Variants in SNTG1 observed in about 807,000 individuals in gnomAD.
The protein encoded by SNTG1 is syntrophin gamma 1.
In SNTG1, 39 loss-of-function variants were observed where a neutral mutation model predicts 74.7. The observed-to-expected ratio is 0.52, with a 90% CI of 0.40 to 0.68. SNTG1 has a LOEUF of 0.68. Among genes scored for constraint, SNTG1 ranks in the 30% least tolerant of loss-of-function variants. SNTG1 has a pLI of 0.00. For missense variants in SNTG1, 685 were observed against 609.5 expected (o/e 1.12, Z -1.30); for synonymous variants, 254 against 217.1 (o/e 1.17, Z -1.49).
At chr8:50,271,214 C>T (rs539729318) in intron 2 of SNTG1, among the ~76,000 whole-genome samples, 4 of 152,204 alleles carry the variant, frequency 2.6e-5, no homozygotes, top group South Asian at 4.1e-4. Context: ...GTATATCATC[C>T]CTAACCCTTT....
rs377120485 is a variant in SNTG1 at position 50,129,876 on chromosome 8, A to G, written c.-102-42685A>G. ...TAGTCTCCAACCCCTGATCTCAAGC[A>G]ATCCTCTTGCCTCCACCTCCCAAAG... On this transcript the variant is annotated intron_variant, in intron 1 of 18. Transcript: ENST00000642720. 1.6e-4 allele frequency among the ~76,000 whole-genome samples: 25 copies of G among 152,214 alleles called. 1 individual carries two copies. The highest frequency in any genetic ancestry group is 5.8e-4 in the African/African-American group (24 of 41,556).
intron 13 of SNTG1, among the ~76,000 whole-genome samples, chr8:50,606,716 G>A (rs1338215963): frequency 6.6e-6 from 1 of 151,780 alleles, no homozygotes. Flanking sequence ...TTTCATAAAT[G>A]TTCTTTAGCA....
At position 50,263,038 on chromosome 8, in the gene SNTG1, G is replaced by T. The variant is rs1313106038; in HGVS notation, c.-28+90403G>T. 2.0e-5 allele frequency among the ~76,000 whole-genome samples: 3 copies of T among 152,064 alleles called. No homozygotes were observed. The East Asian group carries it at 5.8e-4, about 29-fold the overall frequency. On this transcript the variant is annotated intron_variant, in intron 2 of 18. Transcript: ENST00000642720. ...TTTAGCAGTCTATTTTATAATGGTGGATACATGTCATTATACTCTTGTCCA... is the reference window on the plus strand; with the variant it reads ...TTTAGCAGTCTATTTTATAATGGTGTATACATGTCATTATACTCTTGTCCA...
chr8:50,042,933 A>G (rs1818769042), intron 1 of SNTG1, among the ~76,000 whole-genome samples: 1 of 152,226 alleles, frequency 6.6e-6, no homozygotes, highest in Non-Finnish European at 1.5e-5. Flanking sequence ...CAATTAAAGC[A>G]ATGTAAAGAT....
At chr8:50,455,444 C>G (rs934162884) in intron 8 of SNTG1, among the ~76,000 whole-genome samples, 9 of 152,112 alleles carry the variant, frequency 5.9e-5, no homozygotes, top group Non-Finnish European at 1.3e-4. Context: ...TGATTTTGAA[C>G]TAAACTCTAA....
At chr8:50,660,380 A>T (rs1193212544) in intron 15 of SNTG1, among the ~76,000 whole-genome samples, 1 of 117,612 alleles carries the variant, frequency 8.5e-6, no homozygotes, top group Non-Finnish European at 1.8e-5. Context: ...GAAAGAAGGA[A>T]GGAAGGAAGG....
At chr8:50,280,723 C>T (rs766962139) in intron 2 of SNTG1, among the ~76,000 whole-genome samples, 6 of 152,024 alleles carry the variant, frequency 3.9e-5, no homozygotes, top group Non-Finnish European at 8.8e-5. Flanking sequence ...AGGAGTGTCT[C>T]AGTTAATATA....
At chr8:50,636,034 T>C (rs1405802527) in intron 13 of SNTG1, among the ~76,000 whole-genome samples, 2 of 151,802 alleles carry the variant, frequency 1.3e-5, no homozygotes, top group African/African-American at 4.8e-5. Flanking sequence ...TATTTCTCTT[T>C]AATGCAGCAG....
At chr8:50,206,742 C>A (rs1360211881) in intron 2 of SNTG1, among the ~76,000 whole-genome samples, 1 of 152,082 alleles carries the variant, frequency 6.6e-6, no homozygotes, top group Non-Finnish European at 1.5e-5. Context: ...TATGTCCCAT[C>A]AATACCTAGT....
intron 2 of SNTG1, among the ~76,000 whole-genome samples, chr8:50,283,238 T>C (rs747844477): frequency 6.6e-6 from 1 of 152,244 alleles, no homozygotes; most frequent in Non-Finnish European, 1.5e-5. Context: ...AGCAATTTTA[T>C]GAATCCTGCT....
rs141415804 is a variant in SNTG1 at position 50,763,648 on chromosome 8, TTGTGTGTG to T, written c.1395+11574_1395+11581del. Among the ~76,000 whole-genome samples, 841 of 117,100 alleles carry T rather than the reference TTGTGTGTG, an allele frequency of 7.2e-3. 7 individuals carry two copies. The highest frequency in any genetic ancestry group is 0.022 in the African/African-American group (652 of 30,260). 76.8% of individuals were successfully genotyped at this position (117,100 alleles called of 152,430 possible). On this transcript the variant is annotated intron_variant, in intron 18 of 18. Coordinates refer to ENST00000642720, the MANE Select transcript of SNTG1 (RefSeq NM_018967.5). ...CTCTTTTGGCTCAAGATTGCCTTTATTGTGTGTGTGTGTGTGTGTGTGTGTGTGTGTGT... is the reference window on the plus strand; with the variant it reads ...CTCTTTTGGCTCAAGATTGCCTTTATTGTGTGTGTGTGTGTGTGTGTGTGT...
At chr8:50,537,350 C>A (rs1291299940) in intron 11 of SNTG1, among the ~76,000 whole-genome samples, 4 of 152,148 alleles carry the variant, frequency 2.6e-5, no homozygotes, top group Non-Finnish European at 5.9e-5. Flanking sequence ...GCCTCAGCCT[C>A]CCAAAGTGCT....
intron 2 of SNTG1, among the ~76,000 whole-genome samples, chr8:50,296,481 G>A (rs1260827578): frequency 1.3e-5 from 2 of 152,140 alleles, no homozygotes; most frequent in East Asian, 3.8e-4. Flanking sequence ...GATGAAGCTG[G>A]AGACCATCAT....
chr8:49,926,029 C>T (rs963046561), intron 1 of SNTG1, among the ~76,000 whole-genome samples: 11 of 152,128 alleles, frequency 7.2e-5, no homozygotes, highest in Non-Finnish European at 1.0e-4. Flanking sequence ...TGACTTGAAT[C>T]GGTCATCCTA....
At chr8:50,357,004 A>G (rs563410282) in intron 2 of SNTG1, among the ~76,000 whole-genome samples, 51 of 152,292 alleles carry the variant, frequency 3.3e-4, no homozygotes, top group African/African-American at 1.9e-4. Flanking sequence ...AGGGCTTCAC[A>G]CTTGTGTTAT....
intron 2 of SNTG1, among the ~76,000 whole-genome samples, chr8:50,288,455 T>A (rs1374811260): frequency 6.6e-6 from 1 of 152,210 alleles, no homozygotes; most frequent in African/African-American, 2.4e-5. Flanking sequence ...ACATCTACTA[T>A]ATTGAGAAAT....
intron 3 of SNTG1, 55 bp from the exon 4 acceptor site, chr8:50,402,154 CA>C: frequency 6.5e-7 from 1 of 1,540,242 alleles, no homozygotes; most frequent in Non-Finnish European, 8.7e-7. Flanking sequence ...CACAAAATTA[CA>C]ACCTATAAAC....
rs1270890925 is a variant in SNTG1, at chr8:50,450,748, A to C, written c.363+19A>C. ...AGAAGTGGTGAGTTTACTTTTTCCT[A>C]ATGTCATAGTTTTCCCCATGTGCAA... On this transcript the variant is annotated intron_variant, in intron 8 of 18. Transcript: ENST00000642720. The C allele has an allele frequency of 6.2e-7, 1 of 1,610,680 alleles. No individual in the cohort carries two copies. Among genetic ancestry groups the C allele is most frequent in the Admixed American group, 1.7e-5 (1 of 59,856 alleles).
chr8:50,302,904 T>C (rs2089715601), intron 2 of SNTG1, among the ~76,000 whole-genome samples: 1 of 152,194 alleles, frequency 6.6e-6, no homozygotes, highest in South Asian at 2.1e-4. Flanking sequence ...CTTTTGACGA[T>C]TGTGTCCAGT....
Sources: allele counts gnomAD v4.1 joint callset (sites outside exome capture counted in the v4.1 genomes callset), GRCh38; gene constraint gnomAD v4.1.1; transcripts MANE v1.5; gene names NCBI Gene and HGNC (gene_info 2026-07-23, HGNC 2026-07-21).